POU2F2: variants seen among roughly 807,000 people sequenced by gnomAD.
POU2F2 encodes POU domain, class 2, transcription factor 2.
POU2F2 carries 14 observed loss-of-function variants against 63.5 expected under a neutral mutation model. The ratio of observed to expected loss-of-function variants is 0.22; its 90% CI spans 0.15 to 0.34. The LOEUF is 0.34. Among genes scored for constraint, POU2F2 ranks in the 10% least tolerant of loss-of-function variants. POU2F2 has a pLI of 1.00. For synonymous variants in POU2F2, 306 were observed against 348.6 expected (o/e 0.88, Z 1.36); for missense variants, 607 against 815.2 (o/e 0.74, Z 3.11).
chr19:42,127,847 G>A (rs1029132691), intron 1 of POU2F2, among the ~76,000 whole-genome samples: 13 of 151,894 alleles, frequency 8.6e-5, no homozygotes, highest in African/African-American at 3.1e-4. Context: ...AATTTTTCAA[G>A]GGCAGATCTG....
intron 1 of POU2F2, among the ~76,000 whole-genome samples, chr19:42,194,353 T>C (rs967558419): frequency 1.3e-5 from 2 of 151,970 alleles, no homozygotes; most frequent in African/African-American, 4.8e-5. Context: ...CTGCACTCCA[T>C]TCTGGGTAAC....
intron 1 of POU2F2, among the ~76,000 whole-genome samples, chr19:42,128,914 C>A (rs897646143): frequency 6.6e-6 from 1 of 151,892 alleles, no homozygotes; most frequent in African/African-American, 2.4e-5. Context: ...CTCACTGCAA[C>A]CTTTGCCTCC....
At chr19:42,179,873 C>T (rs143059235), upstream of POU2F2, among the ~76,000 whole-genome samples, 42 of 152,252 alleles carry the variant, frequency 2.8e-4, no homozygotes, top group East Asian at 7.5e-3. Context: ...TCCTGGGACC[C>T]GCACTGTGTG....
chr19:42,132,619 G>C (rs1600171345), upstream of POU2F2: 2 of 429,266 alleles, frequency 4.7e-6, no homozygotes, highest in Admixed American at 8.8e-5. Flanking sequence ...GTGGGGGCTA[G>C]TGGGGCAGAG....
intron 1 of POU2F2, among the ~76,000 whole-genome samples, chr19:42,172,195 T>C (rs766685772): frequency 8.5e-5 from 13 of 152,190 alleles, no homozygotes; most frequent in Non-Finnish European, 1.5e-4. Context: ...CCTCCCTGTC[T>C]AAACCCACAC....
At chr19:42,137,845 G>A (rs779122356) in intron 2 of POU2F2, among the ~76,000 whole-genome samples, 1 of 152,202 alleles carries the variant, frequency 6.6e-6, no homozygotes, top group African/African-American at 2.4e-5. Context: ...TGTGAAGGAA[G>A]ACACTCCAGG....
chr19:42,196,952 G>C (rs1353569859), upstream of POU2F2, among the ~76,000 whole-genome samples: 1 of 152,226 alleles, frequency 6.6e-6, no homozygotes, highest in Non-Finnish European at 1.5e-5. Context: ...CAATGACATG[G>C]AACGGAAGCA....
At chr19:42,136,161 C>T (rs574619055), upstream of POU2F2, among the ~76,000 whole-genome samples, 16 of 152,010 alleles carry the variant, frequency 1.1e-4, no homozygotes, top group Non-Finnish European at 2.1e-4. Context: ...GCAGCAGCCC[C>T]CACAGCATTG....
chr19:42,137,688 A>G (rs2034045020), intron 2 of POU2F2, among the ~76,000 whole-genome samples: 1 of 152,176 alleles, frequency 6.6e-6, no homozygotes. Context: ...ACTGCACTCC[A>G]GCCTGGGTGA....
At chr19:42,180,591 C>T (rs150596534), upstream of POU2F2, among the ~76,000 whole-genome samples, 316 of 152,202 alleles carry the variant, frequency 2.1e-3, 3 homozygotes, top group African/African-American at 7.3e-3. Context: ...TGTTCCCTGC[C>T]TTGGCCCTGG....
intron 1 of POU2F2, among the ~76,000 whole-genome samples, chr19:42,193,942 C>G (rs2035100820): frequency 6.6e-6 from 1 of 152,116 alleles, no homozygotes; most frequent in African/African-American, 2.4e-5. Flanking sequence ...AAAAATGAGT[C>G]AACTACAGAT....
intron 1 of POU2F2, among the ~76,000 whole-genome samples, chr19:42,167,291 C>T (rs939931002): frequency 6.6e-6 from 1 of 151,856 alleles, no homozygotes; most frequent in Admixed American, 6.6e-5. Flanking sequence ...CCCGTCTCTA[C>T]AAAAATACAA....
rs1216400357 is a variant in POU2F2 at position 42,095,965 on chromosome 19, G to A, written c.730-36C>T. 6 of 1,607,170 alleles carry A rather than the reference G, an allele frequency of 3.7e-6. No homozygotes were observed. Among genetic ancestry groups the A allele is most frequent in the Non-Finnish European group, 4.3e-6 (5 of 1,176,428 alleles). ...GGGGCGGGGAAGGGCCCGAAGTCAG[G>A]GTGGGGCCTTCCGGCACTGGGCCCG... On this transcript the variant is annotated intron_variant, in intron 8 of 14. Transcript: ENST00000692977. The surrounding 1 kb of genome is among the most constrained non-coding windows in gnomAD (Gnocchi z 7.1).
At chr19:42,101,510 G>A (rs774557594) in intron 5 of POU2F2, among the ~76,000 whole-genome samples, 1 of 152,154 alleles carries the variant, frequency 6.6e-6, no homozygotes, top group African/African-American at 2.4e-5. Flanking sequence ...AGAGAGGCCT[G>A]GAACAGATCT....
At position 42,097,693 on chromosome 19, in the gene POU2F2, CA is replaced by C. The variant is rs1195281256; in HGVS notation, c.568-1451del. On this transcript the variant is annotated intron_variant, in intron 7 of 14. Coordinates refer to ENST00000692977, the MANE Select transcript of POU2F2 (RefSeq NM_001394376.1). Reference sequence around the variant, plus strand: ...AGCATGTGGGGCGTGACTGTAGTACCAGCAACTCAGGAGGGCTGGGGACTGC... The same window carrying C: ...AGCATGTGGGGCGTGACTGTAGTACCGCAACTCAGGAGGGCTGGGGACTGC... Among the ~76,000 whole-genome samples, 4 of 152,116 alleles carry C rather than the reference CA, an allele frequency of 2.6e-5. No individual in the cohort carries two copies. The East Asian group carries it at 5.8e-4, about 22-fold the overall frequency.
At chr19:42,140,557 A>G (rs1327642844) in intron 2 of POU2F2, among the ~76,000 whole-genome samples, 1 of 150,172 alleles carries the variant, frequency 6.7e-6, no homozygotes, top group Non-Finnish European at 1.5e-5. Context: ...GCTGTTCCCC[A>G]CCTCCTCCCC....
At position 42,095,266 on chromosome 19, in the gene POU2F2, C is replaced by G. The variant is rs764846791; in HGVS notation, c.1197+20G>C. 7.5e-6 allele frequency: 12 copies of G among 1,605,764 alleles called. No homozygotes were observed. The East Asian group carries it at 1.1e-4, about 15-fold the overall frequency. ...GCGGAGCTCTGTGGTCTCCCCACCC[C>G]CCAGGCGGGCTCTTGGTACCATATG... On this transcript the variant is annotated intron_variant, in intron 11 of 14. Coordinates refer to ENST00000692977, the MANE Select transcript of POU2F2 (RefSeq NM_001394376.1). This position sits in a 1 kb window ranked among gnomAD's most constrained non-coding sequence, Gnocchi z 7.1.
intron 5 of POU2F2, chr19:42,116,844 G>GGAGGAGGAGGAGGAAGTA (rs1385440092): frequency 4.9e-6 from 2 of 406,764 alleles, no homozygotes; most frequent in Admixed American, 3.0e-5. Context: ...AGGCAGAGGA[G>GGAGGAGGAGGAGGAAGTA]GAGGAGGAGG....
At chr19:42,140,495 A>G (rs1248513609) in intron 2 of POU2F2, among the ~76,000 whole-genome samples, 1 of 152,152 alleles carries the variant, frequency 6.6e-6, no homozygotes, top group Non-Finnish European at 1.5e-5. Context: ...CACTGGAGGA[A>G]GCTAATTTTG....
Sources: gnomAD v4.1 joint callset for allele counts (sites outside exome capture counted in the v4.1 genomes callset) on GRCh38, gnomAD v4.1.1 for gene constraint, Gnocchi (gnomAD v3.1) non-coding constraint, MANE v1.5 for transcripts, NCBI Gene and HGNC (gene_info 2026-07-23, HGNC 2026-07-21) for gene names.